Variants in KIFC3 observed in about 807,000 individuals in gnomAD.
KIFC3 encodes the protein kinesin-like protein KIFC3.
Under a neutral mutation model 101.8 loss-of-function variants are expected in KIFC3, and 60 were observed. The ratio of observed to expected loss-of-function variants is 0.59; its 90% confidence interval spans 0.48 to 0.73. The LOEUF (loss-of-function observed/expected upper bound fraction) is 0.73. Among genes scored for constraint, KIFC3 ranks in the 30% least tolerant of loss-of-function variants. The probability of loss-of-function intolerance (pLI) is 0.00; values close to 1 mark genes in which losing one functional copy is unlikely to be tolerated. For missense variants in KIFC3, 966 were observed against 1,137.1 expected (o/e 0.85, Z 2.16); for synonymous variants, 476 against 482.7 (o/e 0.99, Z 0.18).
intron 1 of KIFC3, among the ~76,000 whole-genome samples, chr16:57,825,248 C>A (rs1156437128): frequency 6.6e-6 from 1 of 152,228 alleles, no homozygotes; most frequent in African/African-American, 2.4e-5. Flanking sequence ...CACCATCAGT[C>A]CTCATGAATC....
intron 3 of KIFC3, chr16:57,774,889 T>G: frequency 7.1e-7 from 1 of 1,416,136 alleles, no homozygotes; most frequent in Non-Finnish European, 9.2e-7. Context: ...ATAAGTGAAC[T>G]GACTTCCTCT....
At chr16:57,811,517 G>C (rs2055073754) in intron 1 of KIFC3, among the ~76,000 whole-genome samples, 1 of 152,164 alleles carries the variant, frequency 6.6e-6, no homozygotes, top group African/African-American at 2.4e-5. Flanking sequence ...GAGGCCAGGA[G>C]TTTGAGACCA....
rs370271657 is a variant in KIFC3, at chr16:57,766,887, G to T, written c.1317C>A (p.Leu439=). 6.2e-7 allele frequency: 1 copy of T among 1,609,570 alleles called. No homozygotes were observed. Among genetic ancestry groups the T allele is most frequent in the Admixed American group, 1.7e-5 (1 of 59,996 alleles). The change falls in exon 10 of 20, where the codon CTC becomes CTA. Residue 439 remains leucine (L), a synonymous_variant. Coordinates refer to ENST00000445690, the MANE Select transcript of KIFC3 (RefSeq NM_001130100.2). ...TCCTGCAGTCACCTTTCAGCCGCACGAGCTCATTGTGGCACTTCTTACGCA... is the reference window on the plus strand; with the variant it reads ...TCCTGCAGTCACCTTTCAGCCGCACTAGCTCATTGTGGCACTTCTTACGCA... ...LQLRKKCHNE[L]VRLKGNIRVI... is the part of the protein sequence containing the mutation.
Position 57,769,788 on chromosome 16 carries a change from G to C in KIFC3, c.1087+20C>G. 6.2e-7 allele frequency: 1 copy of C among 1,612,960 alleles called. No homozygotes were observed. The highest frequency in any genetic ancestry group is 8.5e-7 in the Non-Finnish European group (1 of 1,179,874). On this transcript the variant is annotated intron_variant, in intron 8 of 19. Transcript: ENST00000445690. The surrounding 1 kb of genome is among the most constrained non-coding windows in gnomAD (Gnocchi z 4.3). ...AGGGGCCGCGGCGTGGGGCAGACAG[G>C]GCCCAGCTGGTCAGCTCACCTGCTA...
chr16:57,802,917 G>C, upstream of KIFC3: 2 of 1,472,236 alleles, frequency 1.4e-6, no homozygotes, highest in Non-Finnish European at 1.8e-6. The surrounding 1 kb of genome is among the most constrained non-coding windows in gnomAD (Gnocchi z 5.0). Flanking sequence ...TCTCATACCA[G>C]TACGTGTCTT....
intron 11 of KIFC3, among the ~76,000 whole-genome samples, chr16:57,764,906 G>T (rs1415410121): frequency 2.0e-5 from 3 of 150,534 alleles, no homozygotes; most frequent in Admixed American, 1.3e-4. Context: ...AGGGGCCTGA[G>T]GGTGGGTGGG....
At chr16:57,818,095 C>A (rs797033818) in intron 1 of KIFC3, among the ~76,000 whole-genome samples, 3 of 151,436 alleles carry the variant, frequency 2.0e-5, no homozygotes, top group Admixed American at 2.0e-4. Context: ...GTGGCGTGAT[C>A]TCTGCTCACT....
chr16:57,802,166 G>C lies in KIFC3; in HGVS notation c.-40+204C>G, dbSNP rs1407537088. 6.6e-6 allele frequency among the ~76,000 whole-genome samples: 1 copy of C among 152,232 alleles called. No individual in the cohort carries two copies. The highest frequency in any genetic ancestry group is 1.5e-5 in the Non-Finnish European group (1 of 68,024). On this transcript the variant is annotated intron_variant, in intron 1 of 19. Coordinates refer to ENST00000445690, the MANE Select transcript of KIFC3 (RefSeq NM_001130100.2). This position sits in a 1 kb window ranked among gnomAD's most constrained non-coding sequence, Gnocchi z 5.0. ...ACGCCGCCCCTGTGCCCAGCTCCCAGCAAGGTCCTCGACTCGGGCTGAACG... is the reference window on the plus strand; with the variant it reads ...ACGCCGCCCCTGTGCCCAGCTCCCACCAAGGTCCTCGACTCGGGCTGAACG...
rs1464043274 is a variant in KIFC3 at position 57,771,676 on chromosome 16, T to A, written c.392A>T (p.Asp131Val). 1 of 1,611,646 alleles carries A rather than the reference T, an allele frequency of 6.2e-7. No individual in the cohort carries two copies. Among genetic ancestry groups the A allele is most frequent in the Non-Finnish European group, 8.5e-7 (1 of 1,179,376 alleles). The change falls in exon 5 of 20, where the codon GAC (aspartate) becomes GTC (valine). Residue 131 changes from aspartate (D) to valine (V), a missense_variant. Coordinates refer to ENST00000445690, the MANE Select transcript of KIFC3 (RefSeq NM_001130100.2). ...CAGCAGGTCCCGGTGCTTCTCCAAG[T>A]CGGTGCCCCCCTGCAGAGAGCCAGG... ...SRLRSELGGT[D>V]LEKHRDLLMV...
intron 1 of KIFC3, among the ~76,000 whole-genome samples, chr16:57,832,321 CTTTTTTTTTTTTTTTTT>C (rs1165977084): frequency 9.5e-5 from 7 of 73,494 alleles, no homozygotes; most frequent in Non-Finnish European, 1.7e-4. Context: ...GCGCCAGGCC[CTTTTTTTTTTTTTTTTT>C]TTTTTTTTTT....
intron 2 of KIFC3, among the ~76,000 whole-genome samples, chr16:57,795,896 T>TTTTG (rs1568048124): frequency 1.6e-5 from 2 of 124,176 alleles, no homozygotes; most frequent in African/African-American, 6.4e-5. Flanking sequence ...TTTTTTTTTT[T>TTTTG]TTTTTTTTTT....
chr16:57,760,447 G>A (rs781852269), intron 16 of KIFC3, 31 bp from the exon 17 acceptor site: 27 of 1,602,478 alleles, frequency 1.7e-5, no homozygotes, highest in African/African-American at 1.2e-4. Flanking sequence ...CTGCCCACCC[G>A]GGCCAGCTGG....
At chr16:57,776,121 C>T (rs2052039536) in intron 3 of KIFC3, 3 of 985,494 alleles carry the variant, frequency 3.0e-6, no homozygotes, top group Non-Finnish European at 3.6e-6. Context: ...CTGCTGGTTA[C>T]CTCCTTACCT....
At chr16:57,795,804 C>T (rs1332239507) in intron 2 of KIFC3, among the ~76,000 whole-genome samples, 5 of 151,484 alleles carry the variant, frequency 3.3e-5, no homozygotes, top group African/African-American at 1.2e-4. Flanking sequence ...TACCCTGGGG[C>T]GTAACAATAT....
chr16:57,759,986 A>T, intron 17 of KIFC3, 150 bp from the exon 18 acceptor site: 1 of 633,526 alleles, frequency 1.6e-6, no homozygotes, highest in Non-Finnish European at 2.7e-6. Context: ...AGCCTCAGTT[A>T]TGGCAAGAAT....
chr16:57,785,683 G>T (rs2053246581), intron 3 of KIFC3: 1 of 1,217,902 alleles, frequency 8.2e-7, no homozygotes, highest in African/African-American at 1.6e-5. Context: ...GCAAAGTAGT[G>T]GCTGATGAGA....
chr16:57,799,001 C>G (rs1299350969), intron 1 of KIFC3, among the ~76,000 whole-genome samples: 1 of 152,122 alleles, frequency 6.6e-6, no homozygotes, highest in Non-Finnish European at 1.5e-5. Context: ...CTGAAAACTC[C>G]CAGTCAGAAG....
At chr16:57,836,628 T>C (rs2055693688) in intron 1 of KIFC3, among the ~76,000 whole-genome samples, 1 of 152,166 alleles carries the variant, frequency 6.6e-6, no homozygotes. Context: ...ATGTACCCTC[T>C]TGCTCCAAAA....
intron 1 of KIFC3, among the ~76,000 whole-genome samples, chr16:57,836,564 C>T (rs1304120160): frequency 6.6e-6 from 1 of 152,162 alleles, no homozygotes; most frequent in Non-Finnish European, 1.5e-5. Flanking sequence ...TCTCAGGCTG[C>T]AAATTCCTTC....
Sources: gnomAD v4.1 joint callset for allele counts (sites outside exome capture counted in the v4.1 genomes callset) on GRCh38, gnomAD v4.1.1 for gene constraint, Gnocchi (gnomAD v3.1) non-coding constraint, MANE v1.5 for transcripts, NCBI Gene and HGNC (gene_info 2026-07-23, HGNC 2026-07-21) for gene names.